The following LRRTM4 variants were observed in gnomAD, a reference collection of about 807,000 sequenced individuals.
LRRTM4 encodes the protein leucine rich repeat transmembrane neuronal 4.
A neutral mutation model predicts 47.6 loss-of-function variants in LRRTM4; 25 were observed. The ratio of observed to expected loss-of-function variants is 0.53; its 90% CI spans 0.38 to 0.73. The LOEUF (loss-of-function observed/expected upper bound fraction) is 0.73, where lower values mean the gene tolerates loss of function less well. LRRTM4 is among the 30% of genes least tolerant of loss of function. The probability of loss-of-function intolerance (pLI) is 0.00; values close to 1 mark genes in which losing one functional copy is unlikely to be tolerated. For synonymous variants in LRRTM4, 311 were observed against 269.5 expected, an observed-to-expected ratio of 1.15 and a Z score of -1.51; for missense variants, 638 against 713.4, an observed-to-expected ratio of 0.89 and a Z score of 1.20.
At chr2:77,080,923 G>T (rs554994116) in intron 3 of LRRTM4, among the ~76,000 whole-genome samples, 3 of 152,230 alleles carry the variant, frequency 2.0e-5, no homozygotes, top group East Asian at 1.9e-4. Context: ...TCCAGCTTCA[G>T]GGCTTTTGTG....
rs114564391 is a variant in LRRTM4, at chr2:77,159,088, T to C, written c.1551+359230A>G. The stretch of plus-strand genomic sequence containing the variant: ...GATGACATTTTATTATTTTTCTACA[T>C]GAACCGTTCATCTTTGCAGATATTT... On this transcript the variant is annotated intron_variant, in intron 3 of 3. Coordinates refer to ENST00000409884, the MANE Select transcript of LRRTM4 (RefSeq NM_001134745.3). 1.4e-3 allele frequency among the ~76,000 whole-genome samples: 220 copies of C among 152,316 alleles called. 2 individuals are homozygous for C. The highest frequency in any genetic ancestry group is 5.1e-3 in the African/African-American group (211 of 41,584).
intron 3 of LRRTM4, among the ~76,000 whole-genome samples, chr2:77,202,812 A>G (rs576398693): frequency 1.9e-4 from 29 of 151,976 alleles, no homozygotes; most frequent in African/African-American, 6.3e-4. Context: ...TTATTTCTGG[A>G]TTAGTTACCA....
At chr2:77,139,948 C>T (rs75661325) in intron 3 of LRRTM4, among the ~76,000 whole-genome samples, 1 of 152,152 alleles carries the variant, frequency 6.6e-6, no homozygotes, top group Non-Finnish European at 1.5e-5. Flanking sequence ...AGGAGAACTA[C>T]AAACCACTTC....
At position 76,774,125 on chromosome 2, in the gene LRRTM4, T is replaced by C. The variant is rs550188628; in HGVS notation, c.1552-25209A>G. 1.8e-3 allele frequency among the ~76,000 whole-genome samples: 277 copies of C among 152,258 alleles called. 1 individual carries two copies. The highest frequency in any genetic ancestry group is 3.0e-3 in the Non-Finnish European group (201 of 68,012). ...CATAGTCAATATATATTTTGTATAT[T>C]ATATGCATTATATGCTGTATTCTTA... On this transcript the variant is annotated intron_variant, in intron 3 of 3. Coordinates refer to ENST00000409884, the MANE Select transcript of LRRTM4 (RefSeq NM_001134745.3).
chr2:76,785,403 TAAAC>T (rs1489192162), intron 3 of LRRTM4, among the ~76,000 whole-genome samples: 1 of 152,142 alleles, frequency 6.6e-6, no homozygotes, highest in Non-Finnish European at 1.5e-5. Flanking sequence ...ATGTATTTAT[TAAAC>T]TAGCTCAGGA....
chr2:77,420,514 A>G (rs571009421), intron 3 of LRRTM4, among the ~76,000 whole-genome samples: 3 of 152,122 alleles, frequency 2.0e-5, no homozygotes, highest in Non-Finnish European at 4.4e-5. Flanking sequence ...ATCATTGGGT[A>G]TTAAAATTTG....
At chr2:76,938,973 A>C (rs1458866399) in intron 3 of LRRTM4, among the ~76,000 whole-genome samples, 1 of 152,118 alleles carries the variant, frequency 6.6e-6, no homozygotes, top group Non-Finnish European at 1.5e-5. Context: ...TTTCATCATA[A>C]TTCTGTGAAG....
chr2:77,079,748 T>C (rs1025463982), intron 3 of LRRTM4, among the ~76,000 whole-genome samples: 4 of 152,160 alleles, frequency 2.6e-5, no homozygotes, highest in African/African-American at 9.6e-5. Flanking sequence ...AAAAGTTAGG[T>C]AAGTGCTATT....
At chr2:77,352,391 GA>G (rs1671817372) in intron 3 of LRRTM4, among the ~76,000 whole-genome samples, 1 of 151,948 alleles carries the variant, frequency 6.6e-6, no homozygotes, top group African/African-American at 2.4e-5. Flanking sequence ...CTAACACACC[GA>G]AGACAGATTA....
At chr2:76,773,586 A>G (rs1673809931) in intron 3 of LRRTM4, among the ~76,000 whole-genome samples, 1 of 152,032 alleles carries the variant, frequency 6.6e-6, no homozygotes, top group Admixed American at 6.6e-5. Flanking sequence ...AATTTTAGAT[A>G]AAGTGATTCA....
At chr2:76,876,603 T>C (rs1672785698) in intron 3 of LRRTM4, among the ~76,000 whole-genome samples, 1 of 152,028 alleles carries the variant, frequency 6.6e-6, no homozygotes, top group African/African-American at 2.4e-5. Context: ...TGTTAACAGA[T>C]GTTTATAGAA....
In LRRTM4 at chr2:77,041,789, G is replaced by A. The variant is rs567612832; in HGVS notation, c.1552-292873C>T. ...TTGTTTGAGTTTTTAATATTAGGTCGGTGCAAAAATCATTGCGGTTTTTGC... is the reference window on the plus strand; with the variant it reads ...TTGTTTGAGTTTTTAATATTAGGTCAGTGCAAAAATCATTGCGGTTTTTGC... On this transcript the variant is annotated intron_variant, in intron 3 of 3. Coordinates refer to ENST00000409884, the MANE Select transcript of LRRTM4 (RefSeq NM_001134745.3). 2.0e-4 allele frequency among the ~76,000 whole-genome samples: 30 copies of A among 149,214 alleles called. 1 individual carries two copies. In the East Asian group the frequency reaches 2.8e-3, roughly 14 times the overall value.
intron 3 of LRRTM4, among the ~76,000 whole-genome samples, chr2:77,042,201 G>GT (rs1679057723): frequency 6.6e-6 from 1 of 151,328 alleles, no homozygotes; most frequent in Non-Finnish European, 1.5e-5. Flanking sequence ...GAATGTCCTT[G>GT]TTTTTTAAGA....
At chr2:76,975,903 C>G (rs969290280) in intron 3 of LRRTM4, among the ~76,000 whole-genome samples, 1 of 151,694 alleles carries the variant, frequency 6.6e-6, no homozygotes, top group Non-Finnish European at 1.5e-5. Flanking sequence ...AGAAGAGGTA[C>G]TTCCTGTTTC....
At position 77,389,314 on chromosome 2, in the gene LRRTM4, G is replaced by A. The variant is rs553530976; in HGVS notation, c.1551+129004C>T. Among the ~76,000 whole-genome samples the A allele has an allele frequency of 2.0e-5, 3 of 152,172 alleles. No individual in the cohort carries two copies. In the South Asian group the frequency reaches 6.2e-4, roughly 32 times the overall value. On this transcript the variant is annotated intron_variant, in intron 3 of 3. Transcript: ENST00000409884. ...TTTCAAAAAGAAATTTGTAAAGTCT[G>A]AGGAACTTAATTAGATGTTAAATTC...
intron 3 of LRRTM4, among the ~76,000 whole-genome samples, chr2:77,014,371 A>G (rs1677980890): frequency 6.6e-6 from 1 of 152,054 alleles, no homozygotes; most frequent in Non-Finnish European, 1.5e-5. Context: ...TCACTGAAAT[A>G]TTTCAAATGT....
At chr2:76,798,931 A>T in intron 3 of LRRTM4, among the ~76,000 whole-genome samples, 1 of 150,610 alleles carries the variant, frequency 6.6e-6, no homozygotes, top group African/African-American at 2.5e-5. Flanking sequence ...TAGACCAATA[A>T]CAGGAGCTGA....
intron 3 of LRRTM4, among the ~76,000 whole-genome samples, chr2:77,024,507 A>AG (rs1392013748): frequency 6.6e-6 from 1 of 152,002 alleles, no homozygotes; most frequent in African/African-American, 2.4e-5. Context: ...AAAAAAAAAA[A>AG]AAGGAAAATT....
In LRRTM4 at chr2:76,778,879, C is replaced by A. The variant is rs200905449; in HGVS notation, c.1552-29963G>T. 1.1e-4 allele frequency among the ~76,000 whole-genome samples: 17 copies of A among 151,878 alleles called. No individual in the cohort carries two copies. In the East Asian group the frequency reaches 3.3e-3, roughly 29 times the overall value. On this transcript the variant is annotated intron_variant, in intron 3 of 3. Transcript: ENST00000409884. ...GGGTGTCAATTTTGGATCTTTCCTG[C>A]TTTCTTTTGTGGGCATTTAGTGCTA...
Sources: gnomAD v4.1 joint callset for allele counts (sites outside exome capture counted in the v4.1 genomes callset) on GRCh38, gnomAD v4.1.1 for gene constraint, MANE v1.5 for transcripts, NCBI Gene and HGNC (gene_info 2026-07-23, HGNC 2026-07-21) for gene names.